Variants in NRG3 observed in about 807,000 individuals in gnomAD.
The protein encoded by NRG3 is pro-neuregulin-3, membrane-bound isoform.
A neutral mutation model predicts 66.9 loss-of-function variants in NRG3; 31 were observed. The ratio of observed to expected loss-of-function variants is 0.46; its 90% CI spans 0.35 to 0.63. The LOEUF is 0.63. Ranked by LOEUF, NRG3 falls within the 20% of genes least tolerant of loss-of-function variation. NRG3 has a pLI of 0.00. For missense variants in NRG3, 910 were observed against 878.9 expected, an observed-to-expected ratio of 1.04 and a Z score of -0.45; for synonymous variants, 393 against 359.4, an observed-to-expected ratio of 1.09 and a Z score of -1.06.
intron 1 of NRG3, among the ~76,000 whole-genome samples, chr10:81,934,310 G>A (rs973790549): frequency 6.6e-6 from 1 of 152,204 alleles, no homozygotes; most frequent in African/African-American, 2.4e-5. Context: ...TGGAGAAGAG[G>A]CGTAATGAAT....
intron 1 of NRG3, among the ~76,000 whole-genome samples, chr10:82,192,969 AAGTGAG>A (rs1222721031): frequency 1.3e-5 from 1 of 74,286 alleles, no homozygotes; most frequent in African/African-American, 5.2e-5. Flanking sequence ...AGAAGGAAGA[AAGTGAG>A]AGAGAGAGAG....
intron 2 of NRG3, among the ~76,000 whole-genome samples, chr10:82,520,659 A>G (rs766455017): frequency 6.6e-6 from 1 of 152,190 alleles, no homozygotes; most frequent in Non-Finnish European, 1.5e-5. Context: ...GGGTAAAGGA[A>G]GATGAAGACA....
At chr10:82,867,572 C>T (rs777465646) in intron 4 of NRG3, among the ~76,000 whole-genome samples, 1 of 151,972 alleles carries the variant, frequency 6.6e-6, no homozygotes, top group Non-Finnish European at 1.5e-5. Flanking sequence ...GGACAGATCT[C>T]CAATGTTGAA....
chr10:82,473,091 A>G (rs1841428772), intron 2 of NRG3, among the ~76,000 whole-genome samples: 1 of 152,208 alleles, frequency 6.6e-6, no homozygotes, highest in Admixed American at 6.5e-5. Flanking sequence ...GAACACACCC[A>G]GTTGTTGACA....
intron 2 of NRG3, among the ~76,000 whole-genome samples, chr10:82,607,754 T>G (rs1481323772): frequency 6.6e-6 from 1 of 152,058 alleles, no homozygotes; most frequent in African/African-American, 2.4e-5. Context: ...TTTTTTCCTG[T>G]TTTCTGTAGT....
At chr10:82,894,653 A>AC (rs1843476117) in intron 4 of NRG3, among the ~76,000 whole-genome samples, 1 of 152,144 alleles carries the variant, frequency 6.6e-6, no homozygotes, top group Non-Finnish European at 1.5e-5. Flanking sequence ...TTCATCTATT[A>AC]CCTTCACTGA....
chr10:82,223,902 G>C (rs2076055905), intron 1 of NRG3, among the ~76,000 whole-genome samples: 1 of 152,078 alleles, frequency 6.6e-6, no homozygotes, highest in African/African-American at 2.4e-5. Flanking sequence ...ATTATTTTTT[G>C]GCCAGATCAC....
At chr10:82,389,628 A>G (rs537448353) in intron 2 of NRG3, among the ~76,000 whole-genome samples, 1 of 152,320 alleles carries the variant, frequency 6.6e-6, no homozygotes, top group Admixed American at 6.5e-5. Flanking sequence ...ACTGGTGAAT[A>G]TATAAGTTAA....
intron 6 of NRG3, among the ~76,000 whole-genome samples, chr10:82,971,062 A>G (rs1851677981): frequency 6.6e-6 from 1 of 152,092 alleles, no homozygotes. Context: ...TCACATGGTG[A>G]GAGAGAAAAA....
At chr10:82,867,569 T>C (rs1840878156) in intron 4 of NRG3, among the ~76,000 whole-genome samples, 1 of 152,090 alleles carries the variant, frequency 6.6e-6, no homozygotes, top group Non-Finnish European at 1.5e-5. Context: ...GGAGGACAGA[T>C]CTCCAATGTT....
At chr10:82,247,181 T>A (rs2077283227) in intron 1 of NRG3, among the ~76,000 whole-genome samples, 1 of 152,206 alleles carries the variant, frequency 6.6e-6, no homozygotes, top group African/African-American at 2.4e-5. Flanking sequence ...GGGATGCACC[T>A]TATGAAGGGC....
chr10:82,985,323 C>T lies in NRG3; in HGVS notation c.1809C>T (p.Asn603=), dbSNP rs142452165. The T allele has an allele frequency of 8.8e-5, 142 of 1,614,120 alleles. No homozygotes were observed. The African/African-American group carries it at 1.4e-3, about 16-fold the overall frequency. The change falls in exon 9 of 9, where the codon AAC becomes AAT. Residue 603 remains asparagine, a synonymous_variant. Transcript: ENST00000372141. ...SEVKSIKWCK[N]SYSADVVNVS... The stretch of plus-strand genomic sequence containing the variant: ...TCAAAAGCATCAAATGGTGCAAAAA[C>T]TCCTATTCAGCTGACGTTGTCAATG...
intron 1 of NRG3, among the ~76,000 whole-genome samples, chr10:82,064,960 C>T (rs2064369066): frequency 6.6e-6 from 1 of 152,148 alleles, no homozygotes; most frequent in Non-Finnish European, 1.5e-5. Flanking sequence ...TTTCATACAT[C>T]CATTGCCCTG....
At chr10:82,471,297 C>T (rs1337099560) in intron 2 of NRG3, among the ~76,000 whole-genome samples, 2 of 152,048 alleles carry the variant, frequency 1.3e-5, no homozygotes, top group African/African-American at 2.4e-5. Context: ...ACAAACGGTC[C>T]GAACTTCCCA....
chr10:82,055,213 T>C (rs1176950685), intron 1 of NRG3, among the ~76,000 whole-genome samples: 1 of 151,830 alleles, frequency 6.6e-6, no homozygotes, highest in African/African-American at 2.4e-5. Context: ...GCGCGGTGGC[T>C]CACTCCTGTA....
intron 2 of NRG3, among the ~76,000 whole-genome samples, chr10:82,489,025 C>T (rs1243194010): frequency 6.6e-6 from 1 of 152,082 alleles, no homozygotes; most frequent in Non-Finnish European, 1.5e-5. Context: ...ATACCAGGTG[C>T]TCTGCTAGGA....
intron 2 of NRG3, among the ~76,000 whole-genome samples, chr10:82,566,026 C>T (rs949374023): frequency 5.3e-5 from 8 of 151,990 alleles, no homozygotes; most frequent in African/African-American, 1.7e-4. Context: ...GACTTAGTTT[C>T]GTCTTCCATA....
At chr10:82,217,762 C>T (rs2075760066) in intron 1 of NRG3, among the ~76,000 whole-genome samples, 1 of 152,162 alleles carries the variant, frequency 6.6e-6, no homozygotes, top group Non-Finnish European at 1.5e-5. Context: ...ATTACACTTC[C>T]TCCTCTATCA....
At chr10:82,830,091 T>A (rs2062442880) in intron 3 of NRG3, among the ~76,000 whole-genome samples, 1 of 152,220 alleles carries the variant, frequency 6.6e-6, no homozygotes, top group South Asian at 2.1e-4. Context: ...TTTTCTCTAC[T>A]GTATATTGTG....
Sources: allele counts gnomAD v4.1 joint callset (sites outside exome capture counted in the v4.1 genomes callset), GRCh38; gene constraint gnomAD v4.1.1; transcripts MANE v1.5; gene names NCBI Gene and HGNC (gene_info 2026-07-23, HGNC 2026-07-21).